The following AP3B1 variants were observed in gnomAD, a reference collection of about 807,000 sequenced individuals.
AP3B1 encodes adaptor related protein complex 3 subunit beta 1.
In AP3B1, 61 loss-of-function variants were observed where a neutral mutation model predicts 132.5. The observed-to-expected ratio is 0.46, with a 90% CI of 0.37 to 0.57. The LOEUF is 0.57. AP3B1 is among the 20% of genes least tolerant of loss of function. AP3B1 has a pLI of 0.00. For missense variants in AP3B1, 1,120 were observed against 1,289.4 expected, an observed-to-expected ratio of 0.87 and a Z score of 2.01; for synonymous variants, 388 against 438.3, an observed-to-expected ratio of 0.89 and a Z score of 1.43.
Position 78,015,423 on chromosome 5 carries a change from C to G in AP3B1, c.3118G>C (p.Asp1040His), listed in dbSNP as rs764848036. The change falls in exon 26 of 27, where the codon GAT (aspartate) becomes CAT (histidine). Residue 1040 changes from aspartate (D) to histidine (H), a missense_variant. Physicochemically the swap from Asp to His is moderately conservative, Grantham distance 81 (BLOSUM62 -1). Around this residue, in one of 3 missense-constraint regions of AP3B1, gnomAD observed 906 missense variants for 997.1 expected, o/e 0.91. Transcript: ENST00000255194. Reference protein sequence around the residue: ...ANVGAVPSGQDNIHRFAAKTV... With the variant: ...ANVGAVPSGQHNIHRFAAKTV... Reference sequence around the variant, plus strand: ...TAGTGAACCTACCTGTGTATATTATCCTGGCCAGAAGGGACTGCACCTACA... The same window carrying G: ...TAGTGAACCTACCTGTGTATATTATGCTGGCCAGAAGGGACTGCACCTACA... 36 of 1,613,756 alleles carry G rather than the reference C, an allele frequency of 2.2e-5. 1 individual carries two copies. The highest frequency in any genetic ancestry group is 3.1e-5 in the Non-Finnish European group (36 of 1,179,816).
intron 22 of AP3B1, among the ~76,000 whole-genome samples, chr5:78,085,835 T>A (rs530221182): frequency 6.6e-6 from 1 of 152,162 alleles, no homozygotes; most frequent in South Asian, 2.1e-4. Flanking sequence ...GGGACTATAA[T>A]CTTACTTTGA....
chr5:78,212,457 G>A (rs146375221), intron 7 of AP3B1, among the ~76,000 whole-genome samples: 397 of 151,952 alleles, frequency 2.6e-3, no homozygotes, highest in Admixed American at 6.4e-3. Flanking sequence ...CTTTTATGTC[G>A]ATACATTGTT....
At chr5:78,246,208 A>C (rs898670836) in intron 2 of AP3B1, among the ~76,000 whole-genome samples, 1 of 151,076 alleles carries the variant, frequency 6.6e-6, no homozygotes, top group Non-Finnish European at 1.5e-5. Context: ...TTTGACTTTT[A>C]TTTTTTTTCA....
intron 2 of AP3B1, among the ~76,000 whole-genome samples, chr5:78,250,157 A>G (rs1453411306): frequency 6.6e-6 from 1 of 152,178 alleles, no homozygotes; most frequent in Non-Finnish European, 1.5e-5. Flanking sequence ...TAACTATCAG[A>G]CAGGCCCTTG....
chr5:78,280,582 A>T (rs1749006760), intron 1 of AP3B1, among the ~76,000 whole-genome samples: 1 of 152,198 alleles, frequency 6.6e-6, no homozygotes, highest in Non-Finnish European at 1.5e-5. Context: ...ATTTTTCTCC[A>T]AGAAATTCAT....
At chr5:78,145,134 C>T (rs1392686827) in intron 14 of AP3B1, among the ~76,000 whole-genome samples, 1 of 152,016 alleles carries the variant, frequency 6.6e-6, no homozygotes, top group Non-Finnish European at 1.5e-5. Context: ...TTGATTTGAC[C>T]GAATTCAAAA....
chr5:78,051,002 G>T (rs1748555962), intron 22 of AP3B1, among the ~76,000 whole-genome samples: 1 of 152,118 alleles, frequency 6.6e-6, no homozygotes, highest in African/African-American at 2.4e-5. Flanking sequence ...AAAGTCGTTT[G>T]TGTACCTTTA....
intron 3 of AP3B1, among the ~76,000 whole-genome samples, chr5:78,234,228 C>A (rs937976513): frequency 6.6e-6 from 1 of 152,064 alleles, no homozygotes; most frequent in Admixed American, 6.5e-5. Flanking sequence ...TGCTTCTCAA[C>A]CTTCAGAATT....
At chr5:78,009,834 A>C (rs1043043460) in intron 26 of AP3B1, among the ~76,000 whole-genome samples, 6 of 152,232 alleles carry the variant, frequency 3.9e-5, no homozygotes, top group Non-Finnish European at 8.8e-5. Context: ...GTTAATAATG[A>C]AAGTTGCTCC....
chr5:78,024,862 C>CTT (rs35911405), intron 24 of AP3B1, among the ~76,000 whole-genome samples: 76 of 130,018 alleles, frequency 5.8e-4, no homozygotes, highest in African/African-American at 2.0e-3. Flanking sequence ...TGCGCCTGGC[C>CTT]TTTTTTTTTT....
Position 78,216,114 on chromosome 5 carries a change from C to A in AP3B1, c.727G>T (p.Val243Phe), listed in dbSNP as rs370551459. The A allele has an allele frequency of 6.2e-7, 1 of 1,613,942 alleles. No individual in the cohort carries two copies. The highest frequency in any genetic ancestry group is 8.5e-7 in the Non-Finnish European group (1 of 1,179,956). The change falls in exon 7 of 27, where the codon GTC becomes TTC. Residue 243 changes from valine to phenylalanine, a missense_variant. This residue lies in a region of AP3B1 where 129 missense variants were observed against 212.4 expected (regional missense o/e 0.61). Transcript: ENST00000255194. ...LVDVEEWGQV[V>F]IIHMLTRYAR... ...TATCGAGTTAGCATGTGGATTATGA[C>A]AACCTGCCCCCACTCTTCAACATCC...
intron 17 of AP3B1, among the ~76,000 whole-genome samples, chr5:78,122,171 A>AGGTTTTT (rs2112283709): frequency 6.6e-6 from 1 of 152,330 alleles, no homozygotes; most frequent in Admixed American, 6.5e-5. Flanking sequence ...AACTCTCAAT[A>AGGTTTTT]AATTAGGTAT....
rs142238917 is a variant in AP3B1, at chr5:78,071,442, T to C, written c.2577+17951A>G. Among the ~76,000 whole-genome samples, 282 of 152,250 alleles carry C rather than the reference T, an allele frequency of 1.9e-3. 1 individual carries two copies. The highest frequency in any genetic ancestry group is 6.5e-3 in the African/African-American group (270 of 41,556). Reference sequence around the variant, plus strand: ...GGAGGAGGGGGAGTATCAGGATAAATAGCTAATGCATGCTGGGCTTAATAC... The same window carrying C: ...GGAGGAGGGGGAGTATCAGGATAAACAGCTAATGCATGCTGGGCTTAATAC... On this transcript the variant is annotated intron_variant, in intron 22 of 26. Transcript: ENST00000255194.
chr5:78,130,181 G>C (rs1752628955), intron 15 of AP3B1, among the ~76,000 whole-genome samples: 1 of 152,004 alleles, frequency 6.6e-6, no homozygotes, highest in African/African-American at 2.4e-5. Flanking sequence ...AAAAAGCATA[G>C]TTTTAACAAG....
At chr5:78,005,006 G>A (rs1300436017) in intron 26 of AP3B1, among the ~76,000 whole-genome samples, 2 of 152,126 alleles carry the variant, frequency 1.3e-5, no homozygotes, top group Admixed American at 1.3e-4. Context: ...ACAGGTTTAT[G>A]CATTTCTTTT....
intron 22 of AP3B1, among the ~76,000 whole-genome samples, chr5:78,076,934 G>T (rs1256373894): frequency 6.6e-6 from 1 of 152,130 alleles, no homozygotes; most frequent in East Asian, 1.9e-4. Flanking sequence ...TGCTAAAATT[G>T]TAATCCTAAG....
chr5:78,011,832 A>G (rs1746638042), intron 26 of AP3B1, among the ~76,000 whole-genome samples: 2 of 152,216 alleles, frequency 1.3e-5, no homozygotes, highest in South Asian at 4.1e-4. Flanking sequence ...AAATTAGGCA[A>G]TGGAAACTCT....
chr5:78,120,949 C>A (rs1384171734), intron 17 of AP3B1, among the ~76,000 whole-genome samples: 1 of 152,144 alleles, frequency 6.6e-6, no homozygotes, highest in East Asian at 1.9e-4. Flanking sequence ...GGAAGTAAAG[C>A]ACTCCTCAGC....
At chr5:78,240,980 A>ATC in intron 2 of AP3B1, 44 bp from the exon 3 acceptor site, 2 of 1,340,518 alleles carry the variant, frequency 1.5e-6, no homozygotes, top group Non-Finnish European at 1.1e-6. Flanking sequence ...TTCTATATAT[A>ATC]TTAAATATTT....
Sources: gnomAD v4.1 joint callset for allele counts (sites outside exome capture counted in the v4.1 genomes callset) on GRCh38, gnomAD v4.1.1 for gene constraint, gnomAD v4.1.1 regional missense constraint, MANE v1.5 for transcripts, NCBI Gene and HGNC (gene_info 2026-07-23, HGNC 2026-07-21) for gene names.